NFAT5: variants seen among roughly 807,000 people sequenced by gnomAD.
NFAT5 encodes the protein nuclear factor of activated T cells 5.
In NFAT5, 31 loss-of-function variants were observed where a neutral mutation model predicts 166.5. The ratio of observed to expected loss-of-function variants is 0.19; its 90% CI spans 0.14 to 0.25. The LOEUF is 0.25. NFAT5 is among the 10% of genes least tolerant of loss of function. NFAT5 has a pLI of 1.00. For missense variants in NFAT5, 1,449 were observed against 1,821.8 expected (o/e 0.80, Z 3.72); for synonymous variants, 612 against 639.7 (o/e 0.96, Z 0.65).
chr16:69,664,441 C>G (rs750075790), intron 7 of NFAT5, among the ~76,000 whole-genome samples: 7 of 152,178 alleles, frequency 4.6e-5, no homozygotes, highest in African/African-American at 1.4e-4. Flanking sequence ...CCCATTACCA[C>G]GCCTGGCTAA....
rs1296938545 is a variant in NFAT5, at chr16:69,699,191, ATTGT to A, written c.*2842_*2845del. On this transcript the variant is annotated 3_prime_UTR_variant, in exon 15 of 15. Transcript: ENST00000349945. ...ATCTGTTCAAGTTCTAATTAGGATG[ATTGT>A]TAATACTGCACTGTGGATGAAGTGG... 4 of 153,294 alleles carry A rather than the reference ATTGT, an allele frequency of 2.6e-5. No individual in the cohort carries two copies. The highest frequency in any genetic ancestry group is 9.6e-5 in the African/African-American group (4 of 41,456). The allele number at this position is 153,294 out of a possible 1,614,324, so 9.5% of individuals were successfully genotyped here.
chr16:69,669,623 A>G lies in NFAT5; in HGVS notation c.1370-354A>G, dbSNP rs1304399631. Among the ~76,000 whole-genome samples, 8 of 152,374 alleles carry G rather than the reference A, an allele frequency of 5.3e-5. No homozygotes were observed. In the East Asian group the frequency reaches 1.3e-3, roughly 26 times the overall value. ...AAAGACAGGATACTTGTTTGTATCA[A>G]TAGCTGAAGGCTAAATGATACTGCA... On this transcript the variant is annotated intron_variant, in intron 7 of 14. Transcript: ENST00000349945.
chr16:69,593,675 CTGTT>C (rs778799405), intron 2 of NFAT5, among the ~76,000 whole-genome samples: 30 of 151,958 alleles, frequency 2.0e-4, no homozygotes, highest in Non-Finnish European at 3.7e-4. Flanking sequence ...GATCTGAAAA[CTGTT>C]TGGTGTGTAG....
intron 2 of NFAT5, among the ~76,000 whole-genome samples, chr16:69,582,142 G>A (rs1402060088): frequency 6.6e-6 from 1 of 152,114 alleles, no homozygotes; most frequent in Non-Finnish European, 1.5e-5. Context: ...GTGCATGCTT[G>A]TAATCCCAGC....
chr16:69,646,541 T>C, intron 3 of NFAT5: 1 of 1,265,700 alleles, frequency 7.9e-7, no homozygotes, highest in Non-Finnish European at 1.0e-6. Context: ...GCAGGGAGTG[T>C]CTGCATTAAA....
intron 2 of NFAT5, among the ~76,000 whole-genome samples, chr16:69,578,139 T>G (rs1229231893): frequency 6.6e-6 from 1 of 152,152 alleles, no homozygotes; most frequent in African/African-American, 2.4e-5. Flanking sequence ...TTAAAGTATA[T>G]AGGAGGATGT....
intron 2 of NFAT5, among the ~76,000 whole-genome samples, chr16:69,614,785 A>C (rs2033862219): frequency 6.6e-6 from 1 of 152,014 alleles, no homozygotes; most frequent in Non-Finnish European, 1.5e-5. Context: ...CCAGTTTAGA[A>C]TTATATGTCC....
intron 1 of NFAT5, among the ~76,000 whole-genome samples, 157 bp from the exon 2 acceptor site, chr16:69,568,338 A>ATGTGTGTGTG (rs1567505195): frequency 2.8e-5 from 1 of 35,246 alleles, no homozygotes; most frequent in African/African-American, 2.1e-4. Context: ...ATGTGTGTAT[A>ATGTGTGTGTG]TATATATATG....
At chr16:69,643,054 C>T (rs1392804727) in intron 3 of NFAT5, among the ~76,000 whole-genome samples, 1 of 151,590 alleles carries the variant, frequency 6.6e-6, no homozygotes, top group Non-Finnish European at 1.5e-5. Context: ...CCCATCTCTA[C>T]TAAAATACAG....
At chr16:69,617,025 G>T (rs1160066130) in intron 2 of NFAT5, among the ~76,000 whole-genome samples, 1 of 149,800 alleles carries the variant, frequency 6.7e-6, no homozygotes, top group Non-Finnish European at 1.5e-5. Context: ...CTCACTGCAA[G>T]CTCCGCCTCC....
At position 69,566,505 on chromosome 16, in the gene NFAT5, C is replaced by G; in HGVS notation, c.73+131C>G. On this transcript the variant is annotated intron_variant, in intron 1 of 14. Coordinates refer to ENST00000349945, the MANE Select transcript of NFAT5 (RefSeq NM_138713.4). The surrounding 1 kb of genome is among the most constrained non-coding windows in gnomAD (Gnocchi z 5.7). ...CCGCGACCCCCATGGCTTCTTTGGC[C>G]GGAGCGGGCAGAGGCCGAAGGGATC... 1.3e-6 allele frequency: 1 copy of G among 795,544 alleles called. No homozygotes were observed. Among genetic ancestry groups the G allele is most frequent in the Admixed American group, 2.0e-5 (1 of 49,102 alleles). The allele number at this position is 795,544 out of a possible 1,614,324, so 49.3% of individuals were successfully genotyped here. A position where few individuals can be genotyped will look rare whatever the true frequency, so the allele number is the denominator to read the frequency against.
intron 3 of NFAT5, 129 bp downstream of exon 3, chr16:69,626,657 A>G (rs2034473798): frequency 2.9e-6 from 2 of 691,558 alleles, no homozygotes; most frequent in Non-Finnish European, 4.2e-6. Flanking sequence ...GCATTAAAAT[A>G]TGTACTTTTA....
At chr16:69,625,129 T>G (rs2034397007) in intron 2 of NFAT5, among the ~76,000 whole-genome samples, 1 of 152,078 alleles carries the variant, frequency 6.6e-6, no homozygotes, top group Non-Finnish European at 1.5e-5. Flanking sequence ...CTCGAACTCC[T>G]GACTTCAGGT....
intron 2 of NFAT5, among the ~76,000 whole-genome samples, chr16:69,585,020 G>A (rs1405982304): frequency 6.6e-6 from 1 of 151,742 alleles, no homozygotes; most frequent in Admixed American, 6.6e-5. Context: ...ATTTTTTGAG[G>A]TGGAGTCTCG....
intron 2 of NFAT5, among the ~76,000 whole-genome samples, chr16:69,601,139 A>T (rs1389032452): frequency 2.0e-5 from 3 of 152,046 alleles, no homozygotes; most frequent in Non-Finnish European, 4.4e-5. Flanking sequence ...ATTTTTTTTT[A>T]AATATGGAAA....
intron 10 of NFAT5, among the ~76,000 whole-genome samples, chr16:69,678,486 T>C (rs560895686): frequency 6.6e-6 from 1 of 152,240 alleles, no homozygotes; most frequent in East Asian, 1.9e-4. Flanking sequence ...GTGCTGGGAT[T>C]ACAGGCATGA....
At chr16:69,593,439 T>C (rs2151529167) in intron 2 of NFAT5, among the ~76,000 whole-genome samples, 1 of 152,224 alleles carries the variant, frequency 6.6e-6, no homozygotes, top group Middle Eastern at 3.4e-3. Flanking sequence ...GCCTTCCAAG[T>C]TGCTGGGACC....
In NFAT5 at chr16:69,673,034, CTT is replaced by C. The variant is rs201161731; in HGVS notation, c.1557+2747_1557+2748del. 4.0e-5 allele frequency among the ~76,000 whole-genome samples: 6 copies of C among 148,202 alleles called. No individual in the cohort carries two copies. In the South Asian group the frequency reaches 1.3e-3, roughly 31 times the overall value. ...TCCATTTTTCTTTCTCTCTCTCTCT[CTT>C]GCCTTTTGAGGCATGGGGTAGTTAT... is the stretch of plus-strand genomic sequence containing the variant. On this transcript the variant is annotated intron_variant, in intron 9 of 14. Coordinates refer to ENST00000349945, the MANE Select transcript of NFAT5 (RefSeq NM_138713.4).
At chr16:69,648,153 G>T in intron 4 of NFAT5, 2 of 929,716 alleles carry the variant, frequency 2.2e-6, no homozygotes, top group Non-Finnish European at 2.6e-6. Flanking sequence ...TCCAGCCTGG[G>T]CGACAAGAGC....
Sources: allele counts gnomAD v4.1 joint callset (sites outside exome capture counted in the v4.1 genomes callset), GRCh38; gene constraint gnomAD v4.1.1; non-coding constraint Gnocchi (gnomAD v3.1); transcripts MANE v1.5; gene names NCBI Gene and HGNC (gene_info 2026-07-23, HGNC 2026-07-21).